CNTLN: variants seen among roughly 807,000 people sequenced by gnomAD.
CNTLN encodes centlein, also known as centlein, centrosomal protein.
In CNTLN, 212 loss-of-function variants were observed where a neutral mutation model predicts 180.0. The ratio of observed to expected loss-of-function variants is 1.18; its 90% CI spans 1.05 to 1.32. The LOEUF (loss-of-function observed/expected upper bound fraction) is 1.32, where lower values mean the gene tolerates loss of function less well. Ranked by LOEUF, CNTLN falls within the 40% of genes most tolerant of loss-of-function variation. The probability of loss-of-function intolerance (pLI) is 0.00; values close to 1 mark genes in which losing one functional copy is unlikely to be tolerated. For missense variants in CNTLN, 2,095 were observed against 1,610.9 expected, an observed-to-expected ratio of 1.30 and a Z score of -5.14; for synonymous variants, 722 against 563.1, an observed-to-expected ratio of 1.28 and a Z score of -3.99.
chr9:17,359,736 A>AAAAAAAAAAAT (rs1823180991), intron 12 of CNTLN, among the ~76,000 whole-genome samples: 1 of 112,526 alleles, frequency 8.9e-6, no homozygotes, highest in African/African-American at 3.4e-5. Context: ...AAAAAAAAAA[A>AAAAAAAAAAAT]AAAAAAAAAA....
chr9:17,277,780 T>A (rs4375098), intron 6 of CNTLN, among the ~76,000 whole-genome samples: 46,168 of 151,866 alleles, frequency 0.3, 7,122 homozygotes, highest in South Asian at 0.41. Context: ...AGGTATGAAG[T>A]GCACATATAA....
rs1821913803 is a variant in CNTLN at position 17,193,364 on chromosome 9, A to C, written c.450-32839A>C. Among the ~76,000 whole-genome samples the C allele has an allele frequency of 7.9e-5, 12 of 152,324 alleles. No homozygotes were observed. The South Asian group carries it at 2.5e-3, about 32-fold the overall frequency. ...TCCACCTATGAGCCTGTAAAATCAA[A>C]AGCAAGCTAGTTACTTCCCAGATAC... is the stretch of plus-strand genomic sequence containing the variant. On this transcript the variant is annotated intron_variant, in intron 2 of 25. Coordinates refer to ENST00000380647, the MANE Select transcript of CNTLN (RefSeq NM_017738.4).
At chr9:17,504,158 G>T (rs1371224541), downstream of CNTLN, among the ~76,000 whole-genome samples, 1 of 152,040 alleles carries the variant, frequency 6.6e-6, no homozygotes, top group Non-Finnish European at 1.5e-5. Context: ...AGAAAGAAAT[G>T]ACCATCAAAT....
intron 12 of CNTLN, among the ~76,000 whole-genome samples, chr9:17,366,390 T>G (rs1823820613): frequency 6.6e-6 from 1 of 152,150 alleles, no homozygotes; most frequent in Admixed American, 6.6e-5. Flanking sequence ...GTGATCCCCT[T>G]GCCTTGGCTT....
intron 2 of CNTLN, among the ~76,000 whole-genome samples, chr9:17,200,002 G>A (rs1822412716): frequency 6.6e-6 from 1 of 152,072 alleles, no homozygotes; most frequent in South Asian, 2.1e-4. Flanking sequence ...TCCATCCTGA[G>A]TTAATTTTTA....
chr9:17,179,379 C>CT (rs939059689), intron 2 of CNTLN, among the ~76,000 whole-genome samples: 12 of 151,776 alleles, frequency 7.9e-5, no homozygotes, highest in African/African-American at 2.9e-4. Context: ...GATATGCTGC[C>CT]TTTTTATTTT....
At chr9:17,341,053 TG>T (rs1821443349) in intron 11 of CNTLN, 105 bp downstream of exon 11, 2 of 1,037,674 alleles carry the variant, frequency 1.9e-6, no homozygotes, top group Non-Finnish European at 1.3e-6. Context: ...AGAAATTATT[TG>T]GTAGTCAAAT....
At chr9:17,259,708 G>A (rs1410569325) in intron 5 of CNTLN, among the ~76,000 whole-genome samples, 1 of 150,786 alleles carries the variant, frequency 6.6e-6, no homozygotes, top group Non-Finnish European at 1.5e-5. Context: ...TCTTGGGAGA[G>A]TGTATGTGTC....
At chr9:17,309,474 A>C (rs1818973600) in intron 8 of CNTLN, among the ~76,000 whole-genome samples, 1 of 152,126 alleles carries the variant, frequency 6.6e-6, no homozygotes, top group South Asian at 2.1e-4. Flanking sequence ...GGGTCTAGCA[A>C]ATATAGTTAT....
At chr9:17,196,955 A>G (rs1587100097) in intron 2 of CNTLN, among the ~76,000 whole-genome samples, 2 of 152,152 alleles carry the variant, frequency 1.3e-5, no homozygotes, top group Admixed American at 6.5e-5. Flanking sequence ...TATTCAGTCT[A>G]TCAAAGTGTA....
intron 2 of CNTLN, among the ~76,000 whole-genome samples, chr9:17,222,816 C>G (rs968569203): frequency 3.9e-5 from 6 of 152,010 alleles, no homozygotes; most frequent in Admixed American, 1.3e-4. Flanking sequence ...TCTCTTTATT[C>G]TCTTAAATTA....
At chr9:17,463,303 G>A (rs559133934) in intron 20 of CNTLN, among the ~76,000 whole-genome samples, 25 of 151,608 alleles carry the variant, frequency 1.6e-4, no homozygotes, top group African/African-American at 6.0e-4. Flanking sequence ...ACTTTACAAC[G>A]TGGTGGTTAT....
At chr9:17,150,552 G>A (rs570879811) in intron 2 of CNTLN, among the ~76,000 whole-genome samples, 3 of 152,200 alleles carry the variant, frequency 2.0e-5, no homozygotes, top group African/African-American at 7.2e-5. Context: ...GGTTACTGTA[G>A]CCTTGAAGTG....
intron 25 of CNTLN, among the ~76,000 whole-genome samples, chr9:17,487,831 AG>A (rs1325004714): frequency 6.6e-6 from 1 of 152,096 alleles, no homozygotes; most frequent in Non-Finnish European, 1.5e-5. Flanking sequence ...TAAGTGATCA[AG>A]GGCAGTTTAT....
chr9:17,471,115 T>C (rs969479899), intron 23 of CNTLN, among the ~76,000 whole-genome samples: 10 of 152,086 alleles, frequency 6.6e-5, no homozygotes, highest in South Asian at 2.1e-4. Context: ...TGGAAAACTT[T>C]ATGTAAATTA....
rs182684605 is a variant in CNTLN, at chr9:17,175,626, G to T, written c.449+32250G>T. Among the ~76,000 whole-genome samples, 64 of 152,060 alleles carry T rather than the reference G, an allele frequency of 4.2e-4. 1 individual carries two copies. The highest frequency in any genetic ancestry group is 1.4e-3 in the African/African-American group (60 of 41,474). On this transcript the variant is annotated intron_variant, in intron 2 of 25. Coordinates refer to ENST00000380647, the MANE Select transcript of CNTLN (RefSeq NM_017738.4). ...TTTCAAAATTGTTTTAGATATTTCA[G>T]TCCTGTGCTTTTCCATGAAGTTTAG...
In CNTLN at chr9:17,392,531, T is replaced by A. The variant is rs554216823; in HGVS notation, c.2080-2003T>A. ...TCAGCTCCCCAATAAAGTGTTTACATTGAGAAGGAACAATACAATCTCTTT... is the reference window on the plus strand; with the variant it reads ...TCAGCTCCCCAATAAAGTGTTTACAATGAGAAGGAACAATACAATCTCTTT... On this transcript the variant is annotated intron_variant, in intron 14 of 25. Coordinates refer to ENST00000380647, the MANE Select transcript of CNTLN (RefSeq NM_017738.4). Among the ~76,000 whole-genome samples the A allele has an allele frequency of 2.0e-5, 3 of 152,252 alleles. No homozygotes were observed. The South Asian group carries it at 6.2e-4, about 32-fold the overall frequency.
At chr9:17,263,120 C>G (rs1349543173) in intron 5 of CNTLN, among the ~76,000 whole-genome samples, 1 of 150,346 alleles carries the variant, frequency 6.7e-6, no homozygotes, top group Non-Finnish European at 1.5e-5. Flanking sequence ...TATACATGTG[C>G]CATGTTGGTG....
intron 25 of CNTLN, among the ~76,000 whole-genome samples, chr9:17,496,380 T>A (rs1833456586): frequency 6.6e-6 from 1 of 152,192 alleles, no homozygotes; most frequent in Admixed American, 6.5e-5. Context: ...GTTTTGTAGA[T>A]CTTGGTCTTC....
Sources: allele counts gnomAD v4.1 joint callset (sites outside exome capture counted in the v4.1 genomes callset), GRCh38; gene constraint gnomAD v4.1.1; transcripts MANE v1.5; gene names NCBI Gene and HGNC (gene_info 2026-07-23, HGNC 2026-07-21).